The following ROBO1 variants were observed in gnomAD, a reference collection of about 807,000 sequenced individuals.
The protein encoded by ROBO1 is roundabout homolog 1.
ROBO1 carries 149 observed loss-of-function variants against 195.9 expected under a neutral mutation model. The ratio of observed to expected loss-of-function variants is 0.76; its 90% CI spans 0.67 to 0.87. The LOEUF (loss-of-function observed/expected upper bound fraction) is 0.87. ROBO1 is among the 40% of genes least tolerant of loss of function. The pLI is 0.00. For synonymous variants in ROBO1, 816 were observed against 733.2 expected (o/e 1.11, Z -1.82); for missense variants, 1,933 against 2,068.3 (o/e 0.93, Z 1.27).
rs72903958 is a variant in ROBO1, at chr3:79,559,609, G to A, written c.88+30215C>T. Among the ~76,000 whole-genome samples the A allele has an allele frequency of 6.8e-3, 1,042 of 152,214 alleles. 8 individuals carry two copies. The highest frequency in any genetic ancestry group is 0.024 in the African/African-American group (978 of 41,532). ...ACACTTGTCAAACACAGTACCTTGT[G>A]TACTGCAAGCTTTAACAAATATTTG... On this transcript the variant is annotated intron_variant, in intron 2 of 30. Coordinates refer to ENST00000464233, the MANE Select transcript of ROBO1 (RefSeq NM_002941.4).
At chr3:79,133,894 C>T (rs2080343355) in intron 2 of ROBO1, among the ~76,000 whole-genome samples, 1 of 148,716 alleles carries the variant, frequency 6.7e-6, no homozygotes, top group Admixed American at 6.7e-5. Flanking sequence ...GTTAGTTTTC[C>T]TTCTAACAGA....
At chr3:79,583,643 A>T (rs1249557573) in intron 2 of ROBO1, among the ~76,000 whole-genome samples, 1 of 152,012 alleles carries the variant, frequency 6.6e-6, no homozygotes, top group East Asian at 1.9e-4. Flanking sequence ...TGATTTAAAC[A>T]AAATGTAGCA....
At chr3:79,371,673 A>G (rs2036199602) in intron 2 of ROBO1, among the ~76,000 whole-genome samples, 1 of 152,190 alleles carries the variant, frequency 6.6e-6, no homozygotes, top group Non-Finnish European at 1.5e-5. Context: ...GTATGTGAGA[A>G]CAAAATAATG....
At chr3:79,357,080 T>C (rs2035586482) in intron 2 of ROBO1, among the ~76,000 whole-genome samples, 1 of 152,170 alleles carries the variant, frequency 6.6e-6, no homozygotes, top group South Asian at 2.1e-4. Flanking sequence ...TTTCTGCTTC[T>C]GGAGGAGTTT....
At chr3:79,314,863 T>G (rs2033662874) in intron 2 of ROBO1, among the ~76,000 whole-genome samples, 1 of 152,196 alleles carries the variant, frequency 6.6e-6, no homozygotes, top group African/African-American at 2.4e-5. Flanking sequence ...AATATTTTCA[T>G]TACTGTCACT....
rs1355645260 is a variant in ROBO1, at chr3:78,617,639, A to T, written c.4278T>A (p.Ala1426=). The T allele has an allele frequency of 6.2e-7, 1 of 1,607,928 alleles. No homozygotes were observed. The highest frequency in any genetic ancestry group is 1.3e-5 in the African/African-American group (1 of 74,876). Residue 1426 remains alanine (A), a synonymous_variant, in exon 27 of 31, where the codon GCT becomes GCA. Transcript: ENST00000464233. The part of the protein sequence containing the change: ...LKVARRQMQD[A]AGRRHFHASQ... ...GTGAAAAGTGTTAGGACTCACCAGC[A>T]GCATCCTGCATTTGCCGTCGTGCTA...
chr3:79,744,107 C>T (rs1703769094), intron 1 of ROBO1, among the ~76,000 whole-genome samples: 1 of 152,160 alleles, frequency 6.6e-6, no homozygotes, highest in Admixed American at 6.5e-5. Flanking sequence ...ACTAACAGTG[C>T]AGTAAATTTT....
At chr3:79,611,586 A>G (rs1475409637) in intron 1 of ROBO1, among the ~76,000 whole-genome samples, 1 of 152,182 alleles carries the variant, frequency 6.6e-6, no homozygotes, top group African/African-American at 2.4e-5. Flanking sequence ...TGTCCTTTGC[A>G]GGGACATGGA....
At chr3:79,565,278 G>T (rs1238047840) in intron 2 of ROBO1, among the ~76,000 whole-genome samples, 2 of 151,154 alleles carry the variant, frequency 1.3e-5, no homozygotes, top group Non-Finnish European at 2.9e-5. Flanking sequence ...TTTACATTTG[G>T]CTATTCCTCT....
chr3:79,127,867 C>T lies in ROBO1; in HGVS notation c.89-2328G>A, dbSNP rs142601815. Among the ~76,000 whole-genome samples the T allele has an allele frequency of 5.4e-3, 816 of 152,304 alleles. 11 individuals carry two copies. The highest frequency in any genetic ancestry group is 0.019 in the African/African-American group (781 of 41,558). On this transcript the variant is annotated intron_variant, in intron 2 of 30. Coordinates refer to ENST00000464233, the MANE Select transcript of ROBO1 (RefSeq NM_002941.4). ...TTCTTAGGCTCAGGAAAGAATAGAT[C>T]TTTGCATTAATCAATGAATCTTACC... is the stretch of plus-strand genomic sequence containing the variant.
chr3:79,668,657 A>G (rs1490316725), intron 1 of ROBO1, among the ~76,000 whole-genome samples: 1 of 151,198 alleles, frequency 6.6e-6, no homozygotes, highest in South Asian at 2.1e-4. Flanking sequence ...AAAGAAATCT[A>G]AGCAATTTAC....
chr3:78,949,025 G>A (rs2040620688), intron 3 of ROBO1, among the ~76,000 whole-genome samples: 1 of 147,350 alleles, frequency 6.8e-6, no homozygotes, highest in Non-Finnish European at 1.5e-5. Context: ...ACAAACAAAT[G>A]GAAGAACATT....
intron 4 of ROBO1, among the ~76,000 whole-genome samples, chr3:78,925,413 T>C (rs2039154167): frequency 6.6e-6 from 1 of 152,172 alleles, no homozygotes; most frequent in Non-Finnish European, 1.5e-5. Flanking sequence ...TCTAATTAGT[T>C]TATTCTAGAA....
chr3:79,404,388 A>T lies in ROBO1; in HGVS notation c.88+185436T>A, dbSNP rs560202934. Among the ~76,000 whole-genome samples the T allele has an allele frequency of 1.6e-4, 25 of 152,266 alleles. No homozygotes were observed. In the East Asian group the frequency reaches 4.8e-3, roughly 29 times the overall value. ...TGTACATATGGGTGTATATATTAAC[A>T]CAACTATATCCACCATAATTGCATA... On this transcript the variant is annotated intron_variant, in intron 2 of 30. Coordinates refer to ENST00000464233, the MANE Select transcript of ROBO1 (RefSeq NM_002941.4).
intron 28 of ROBO1, among the ~76,000 whole-genome samples, chr3:78,607,614 T>C (rs149227776): frequency 5.5e-4 from 84 of 152,274 alleles, no homozygotes; most frequent in African/African-American, 2.0e-3. Flanking sequence ...TAACGCTGGG[T>C]ATTTGTACTG....
chr3:79,694,716 A>C (rs758395695), intron 1 of ROBO1, among the ~76,000 whole-genome samples: 7 of 151,780 alleles, frequency 4.6e-5, no homozygotes, highest in Non-Finnish European at 1.0e-4. Context: ...TTACCTTATC[A>C]TGTGTTGCTA....
intron 2 of ROBO1, among the ~76,000 whole-genome samples, chr3:79,170,625 T>C (rs2081148641): frequency 6.6e-6 from 1 of 152,208 alleles, no homozygotes; most frequent in Non-Finnish European, 1.5e-5. Context: ...AAATTTGCTG[T>C]AAATCTATTT....
intron 4 of ROBO1, among the ~76,000 whole-genome samples, chr3:78,797,392 T>G (rs1266593647): frequency 1.3e-5 from 2 of 152,184 alleles, no homozygotes; most frequent in African/African-American, 4.8e-5. Context: ...TACACAGTAT[T>G]GTTATGAACG....
chr3:79,387,236 C>A (rs1234919961), intron 2 of ROBO1, among the ~76,000 whole-genome samples: 1 of 152,036 alleles, frequency 6.6e-6, no homozygotes, highest in African/African-American at 2.4e-5. Flanking sequence ...TAATACAAAT[C>A]ATGCCAGTAT....
Sources: allele counts gnomAD v4.1 joint callset (sites outside exome capture counted in the v4.1 genomes callset), GRCh38; gene constraint gnomAD v4.1.1; transcripts MANE v1.5; gene names NCBI Gene and HGNC (gene_info 2026-07-23, HGNC 2026-07-21).